Variants in DCBLD1 observed in about 807,000 individuals in gnomAD.
DCBLD1 encodes discoidin, CUB and LCCL domain containing 1.
A neutral mutation model predicts 71.5 loss-of-function variants in DCBLD1; 57 were observed. The ratio of observed to expected loss-of-function variants is 0.80; its 90% confidence interval spans 0.64 to 0.99. The LOEUF (loss-of-function observed/expected upper bound fraction) is 0.99. Ranked by LOEUF, DCBLD1 falls within the 50% of genes least tolerant of loss-of-function variation. DCBLD1 has a pLI of 0.00. For missense variants in DCBLD1, 891 were observed against 923.5 expected (o/e 0.96, Z 0.46); for synonymous variants, 380 against 363.8 (o/e 1.04, Z -0.51).
At chr6:117,550,661 T>C (rs528893840), downstream of DCBLD1, among the ~76,000 whole-genome samples, 9 of 152,350 alleles carry the variant, frequency 5.9e-5, no homozygotes, top group East Asian at 1.7e-3. Context: ...GTGTTTATTT[T>C]ATACTGCTTT....
chr6:117,553,761 G>A (rs550767685), downstream of DCBLD1, among the ~76,000 whole-genome samples: 7 of 152,110 alleles, frequency 4.6e-5, no homozygotes, highest in East Asian at 1.9e-4. Flanking sequence ...TGTTTAATTT[G>A]TACTTAGGTG....
At chr6:117,563,575 C>A (rs210636) in intron 14 of DCBLD1, among the ~76,000 whole-genome samples, 118,075 of 151,760 alleles carry the variant, frequency 0.78, 46,170 homozygotes, top group African/African-American at 0.86. Context: ...TACAAAAATT[C>A]GCCGGGCATG....
chr6:117,567,436 CA>C (rs887549758), intron 14 of DCBLD1, among the ~76,000 whole-genome samples: 4 of 152,176 alleles, frequency 2.6e-5, no homozygotes, highest in Admixed American at 1.3e-4. Flanking sequence ...GGATATCATA[CA>C]AACCTTTCCT....
chr6:117,526,366 A>C (rs1321777773), intron 5 of DCBLD1, among the ~76,000 whole-genome samples: 1 of 152,232 alleles, frequency 6.6e-6, no homozygotes, highest in Non-Finnish European at 1.5e-5. Flanking sequence ...TTGAAGATTT[A>C]CTTGGCTCAG....
Position 117,503,775 on chromosome 6 carries a change from T to C in DCBLD1, c.121T>C (p.Cys41Arg). 6.2e-7 allele frequency: 1 copy of C among 1,614,104 alleles called. No homozygotes were observed. Among genetic ancestry groups the C allele is most frequent in the Non-Finnish European group, 8.5e-7 (1 of 1,179,972 alleles). The change falls in exon 2 of 15, where the codon TGT (cysteine) becomes CGT (arginine). Residue 41 changes from cysteine (C) to arginine (R), a missense_variant. Cys to Arg is a radical substitution (Grantham distance 180). Transcript: ENST00000338728. ...RLQAEELGDG[C>R]GHLVTYQDSG... Reference sequence around the variant, plus strand: ...TTCTTTTTCTTTACCAGGTGATGGCTGTGGACACCTAGTGACTTATCAGGA... The same window carrying C: ...TTCTTTTTCTTTACCAGGTGATGGCCGTGGACACCTAGTGACTTATCAGGA...
Position 117,549,107 on chromosome 6 carries a change from C to T in DCBLD1, c.*668C>T. On this transcript the variant is annotated 3_prime_UTR_variant, in exon 15 of 15. Coordinates refer to ENST00000338728, the MANE Select transcript of DCBLD1 (RefSeq NM_001366458.2). Reference sequence around the variant, plus strand: ...AAGAAACAACACCTCAGCAGCTGCCCGTTTCCTTAGTCTCCACTTCAGAGG... The same window carrying T: ...AAGAAACAACACCTCAGCAGCTGCCTGTTTCCTTAGTCTCCACTTCAGAGG... The T allele has an allele frequency of 4.1e-6, 4 of 985,796 alleles. No individual in the cohort carries two copies. The highest frequency in any genetic ancestry group is 4.8e-6 in the Non-Finnish European group (4 of 830,270). The allele number at this position is 985,796 out of a possible 1,614,324, so 61.1% of individuals were successfully genotyped here.
chr6:117,486,858 G>A (rs914120104), intron 1 of DCBLD1, among the ~76,000 whole-genome samples: 8 of 152,204 alleles, frequency 5.3e-5, no homozygotes, highest in African/African-American at 1.7e-4. Flanking sequence ...CAGGATGTGA[G>A]CAACAGGTAA....
At chr6:117,495,628 C>A (rs887229421) in intron 1 of DCBLD1, among the ~76,000 whole-genome samples, 1 of 152,152 alleles carries the variant, frequency 6.6e-6, no homozygotes, top group African/African-American at 2.4e-5. Flanking sequence ...TGTCACCTCC[C>A]AAGTATATGG....
intron 2 of DCBLD1, among the ~76,000 whole-genome samples, chr6:117,519,000 A>G (rs17575094): frequency 0.026 from 3,948 of 152,282 alleles, 77 homozygotes; most frequent in East Asian, 0.051. Context: ...GAGAAAAGTT[A>G]ATAAATAATA....
chr6:117,519,329 A>C (rs2114484902), intron 2 of DCBLD1, among the ~76,000 whole-genome samples: 1 of 152,334 alleles, frequency 6.6e-6, no homozygotes, highest in African/African-American at 2.4e-5. Context: ...ATTAACCAGA[A>C]GTTACTGTAA....
At chr6:117,486,305 C>T (rs371878228) in intron 1 of DCBLD1, among the ~76,000 whole-genome samples, 12 of 152,188 alleles carry the variant, frequency 7.9e-5, no homozygotes, top group African/African-American at 2.4e-4. Flanking sequence ...GAAATATACC[C>T]CATAGTGTTT....
intron 8 of DCBLD1, chr6:117,539,047 T>A: frequency 1.4e-6 from 1 of 697,276 alleles, no homozygotes; most frequent in Middle Eastern, 4.1e-4. Context: ...AGAGAGATAA[T>A]TCTTCAATGG....
At chr6:117,517,276 TA>T (rs1437980222) in intron 2 of DCBLD1, among the ~76,000 whole-genome samples, 1 of 152,232 alleles carries the variant, frequency 6.6e-6, no homozygotes, top group Non-Finnish European at 1.5e-5. Flanking sequence ...AGTCAAATCT[TA>T]AAGCTCCAAA....
At chr6:117,486,218 A>T (rs778873133) in intron 1 of DCBLD1, among the ~76,000 whole-genome samples, 1 of 152,236 alleles carries the variant, frequency 6.6e-6, no homozygotes, top group South Asian at 2.1e-4. Context: ...TTTAAGATAC[A>T]TGGGGGCATG....
rs139755630 is a variant in DCBLD1 at position 117,498,463 on chromosome 6, A to G, written c.113-5304A>G. Reference sequence around the variant, plus strand: ...GTGTAGCCACTTTGAAGAGTGGTCAAATTCCCTGTGGCAAAACTTCCTCCT... The same window carrying G: ...GTGTAGCCACTTTGAAGAGTGGTCAGATTCCCTGTGGCAAAACTTCCTCCT... On this transcript the variant is annotated intron_variant, in intron 1 of 14. Coordinates refer to ENST00000338728, the MANE Select transcript of DCBLD1 (RefSeq NM_001366458.2). 2.3e-4 allele frequency among the ~76,000 whole-genome samples: 35 copies of G among 152,312 alleles called. No homozygotes were observed. In the East Asian group the frequency reaches 6.2e-3, roughly 27 times the overall value.
chr6:117,563,304 C>G lies in DCBLD1; in HGVS notation c.1616-6316C>G, dbSNP rs768292455. On this transcript the variant is annotated intron_variant, in intron 14 of 14. Coordinates refer to the DCBLD1 transcript ENST00000296955. ...GTGTGCAGATCATCTAATTTTGAAG[C>G]ACCGTCATCTAGCGGAGTTTCACTT... The G allele has an allele frequency of 3.7e-6, 6 of 1,613,164 alleles. No homozygotes were observed. The South Asian group carries it at 6.6e-5, about 18-fold the overall frequency.
At chr6:117,515,186 AT>A (rs1275809824) in intron 2 of DCBLD1, among the ~76,000 whole-genome samples, 1 of 151,492 alleles carries the variant, frequency 6.6e-6, no homozygotes, top group African/African-American at 2.4e-5. Flanking sequence ...TGCTCGGCTA[AT>A]TTTTTTTGTA....
At chr6:117,493,475 G>A (rs1424429543) in intron 1 of DCBLD1, among the ~76,000 whole-genome samples, 1 of 152,068 alleles carries the variant, frequency 6.6e-6, no homozygotes, top group Non-Finnish European at 1.5e-5. Flanking sequence ...ATTTAAAAAA[G>A]GGGATGATAG....
chr6:117,547,031 C>T (rs956533500), intron 14 of DCBLD1, among the ~76,000 whole-genome samples: 1 of 152,192 alleles, frequency 6.6e-6, no homozygotes, highest in South Asian at 2.1e-4. Flanking sequence ...GATTCCTGTC[C>T]CAAAGGGTCA....
Sources: allele counts gnomAD v4.1 joint callset (sites outside exome capture counted in the v4.1 genomes callset), GRCh38; gene constraint gnomAD v4.1.1; transcripts MANE v1.5; gene names NCBI Gene and HGNC (gene_info 2026-07-23, HGNC 2026-07-21).